Variants in CHD1 observed in about 807,000 individuals in gnomAD.
CHD1 encodes ATP-dependent chromatin remodeler CHD1.
In CHD1, 36 loss-of-function variants were observed where a neutral mutation model predicts 224.2. The ratio of observed to expected loss-of-function variants is 0.16; its 90% CI spans 0.12 to 0.21. The LOEUF (loss-of-function observed/expected upper bound fraction) is 0.21. CHD1 is among the 10% of genes least tolerant of loss of function. CHD1 has a pLI of 1.00. For synonymous variants in CHD1, 668 were observed against 658.3 expected, an observed-to-expected ratio of 1.01 and a Z score of -0.23; for missense variants, 1,378 against 1,994.8, an observed-to-expected ratio of 0.69 and a Z score of 5.89.
Position 98,894,582 on chromosome 5 carries a change from G to C in CHD1, c.1800+15C>G, listed in dbSNP as rs1561520543. On this transcript the variant is annotated intron_variant, in intron 13 of 35. Coordinates refer to ENST00000614616, the MANE Select transcript of CHD1 (RefSeq NM_001270.4). ...ATATACAAGAGACCAAAACACGTGA[G>C]AAATAAATACATACCTTATCTTTTA... 1.9e-6 allele frequency: 2 copies of C among 1,067,898 alleles called. No homozygotes were observed. Among genetic ancestry groups the C allele is most frequent in the Non-Finnish European group, 2.7e-6 (2 of 735,744 alleles). 66.2% of individuals were successfully genotyped at this position (1,067,898 alleles called of 1,614,324 possible).
At chr5:98,869,628 A>G (rs1026497293) in intron 30 of CHD1, 126 bp downstream of exon 30, 27 of 651,114 alleles carry the variant, frequency 4.1e-5, no homozygotes, top group African/African-American at 2.4e-4. Context: ...GCGCGCACAC[A>G]CACACACACA....
Position 98,926,499 on chromosome 5 carries a change from C to A in CHD1, c.-113G>T. On this transcript the variant is annotated 5_prime_UTR_variant, in exon 2 of 36. Coordinates refer to ENST00000614616, the MANE Select transcript of CHD1 (RefSeq NM_001270.4). ...AAATTCACAGATGAATTTTCTTCAA[C>A]AGTCACAGGTTTTCTGGGACTCTCC... 1 of 502,212 alleles carries A rather than the reference C, an allele frequency of 2.0e-6. No homozygotes were observed. The highest frequency in any genetic ancestry group is 3.5e-5 in the East Asian group (1 of 28,462). 31.1% of individuals were successfully genotyped at this position (502,212 alleles called of 1,614,324 possible).
intron 33 of CHD1, 64 bp downstream of exon 33, chr5:98,859,908 T>G: frequency 1.2e-6 from 1 of 851,994 alleles, no homozygotes; most frequent in Non-Finnish European, 1.8e-6. Flanking sequence ...AACTGCTCTG[T>G]AAAAAGAATG....
intron 18 of CHD1, 140 bp downstream of exon 18, chr5:98,885,438 T>A: frequency 1.6e-6 from 1 of 625,006 alleles, no homozygotes; most frequent in South Asian, 2.1e-5. Context: ...CTTTAAAACC[T>A]CATTTGCTAA....
intron 2 of CHD1, among the ~76,000 whole-genome samples, chr5:98,922,332 A>T (rs1158744178): frequency 1.3e-5 from 2 of 152,226 alleles, no homozygotes; most frequent in Admixed American, 6.5e-5. Flanking sequence ...TAACTGTTAT[A>T]CAGGTGCATC....
chr5:98,877,050 G>A (rs1381759133), intron 23 of CHD1, among the ~76,000 whole-genome samples: 7 of 152,148 alleles, frequency 4.6e-5, no homozygotes, highest in Non-Finnish European at 8.8e-5. Context: ...GCATGCACCC[G>A]TAGTTCCAGC....
At chr5:98,895,686 G>T (rs1169932107) in intron 12 of CHD1, among the ~76,000 whole-genome samples, 1 of 151,038 alleles carries the variant, frequency 6.6e-6, no homozygotes, top group East Asian at 1.9e-4. Flanking sequence ...CTGGGAGGTG[G>T]AGGTTGCAAT....
chr5:98,872,669 A>G (rs1749442210), intron 26 of CHD1, 114 bp from the exon 27 acceptor site: 1 of 870,592 alleles, frequency 1.1e-6, no homozygotes, highest in Non-Finnish European at 1.8e-6. Flanking sequence ...TTCCTTATTT[A>G]TATTATTAAG....
chr5:98,929,002 C>T lies in CHD1; in HGVS notation c.-612G>A, dbSNP rs572881781. Reference sequence around the variant, plus strand: ...GCTCACTCCCCTTCCCGACAGAGCGCGAGGCGGGCGGGCGCGCGCACGCCG... The same window carrying T: ...GCTCACTCCCCTTCCCGACAGAGCGTGAGGCGGGCGGGCGCGCGCACGCCG... On this transcript the variant is annotated 5_prime_UTR_variant, in exon 1 of 36. Transcript: ENST00000614616. 2 of 152,024 alleles carry T rather than the reference C, an allele frequency of 1.3e-5. No individual in the cohort carries two copies. Among genetic ancestry groups the T allele is most frequent in the South Asian group, 2.0e-4 (1 of 4,900 alleles). 9.4% of individuals were successfully genotyped at this position (152,024 alleles called of 1,614,324 possible). A position where few individuals can be genotyped will look rare whatever the true frequency, so the allele number is the denominator to read the frequency against.
In CHD1 at chr5:98,901,094, CAA is replaced by C. The variant is rs373294528; in HGVS notation, c.588-14_588-13del. 350 of 1,565,290 alleles carry C rather than the reference CAA, an allele frequency of 2.2e-4. No individual in the cohort carries two copies. The African/African-American group carries it at 4.4e-3, about 20-fold the overall frequency. ...TTTTTGACTTAGATCTAGGAAAGTG[CAA>C]AGAGAAAAAAAAACAAGATTTGAGA... On this transcript the variant is annotated splice_polypyrimidine_tract_variant and intron_variant, in intron 6 of 35. Coordinates refer to ENST00000614616, the MANE Select transcript of CHD1 (RefSeq NM_001270.4).
At chr5:98,857,086 C>T (rs891355924) in intron 35 of CHD1, among the ~76,000 whole-genome samples, 10 of 152,152 alleles carry the variant, frequency 6.6e-5, no homozygotes, top group African/African-American at 2.2e-4. Context: ...ACTCCTGAGA[C>T]CAGAGCCTTT....
At chr5:98,928,130 T>G (rs906300686) in intron 1 of CHD1, among the ~76,000 whole-genome samples, 12 of 151,852 alleles carry the variant, frequency 7.9e-5, no homozygotes, top group Admixed American at 6.6e-4. Context: ...CGCCTCAAAC[T>G]TCCCGCAGAC....
chr5:98,916,354 T>C (rs1752731017), intron 2 of CHD1, among the ~76,000 whole-genome samples: 2 of 151,872 alleles, frequency 1.3e-5, no homozygotes, highest in African/African-American at 2.4e-5. Context: ...GAGACCAGCC[T>C]GACCACCATG....
intron 2 of CHD1, among the ~76,000 whole-genome samples, chr5:98,911,146 A>ATATATATATATATATATATAT (rs1554081078): frequency 2.3e-4 from 9 of 39,110 alleles, no homozygotes; most frequent in Non-Finnish European, 2.7e-4. Context: ...AAAAAAAAAA[A>ATATATATATATATATATATAT]ATATATATAT....
At chr5:98,915,406 AG>A in intron 2 of CHD1, among the ~76,000 whole-genome samples, 1 of 152,032 alleles carries the variant, frequency 6.6e-6, no homozygotes. Context: ...GAGAGATACT[AG>A]GAAGAGTAAC....
chr5:98,871,032 CT>C (rs1407012306), intron 28 of CHD1, among the ~76,000 whole-genome samples: 1 of 151,958 alleles, frequency 6.6e-6, no homozygotes, highest in African/African-American at 2.4e-5. Flanking sequence ...CTCAGATTAT[CT>C]TTCAAAATGA....
At chr5:98,886,571 A>C (rs2112435670) in intron 17 of CHD1, among the ~76,000 whole-genome samples, 1 of 152,286 alleles carries the variant, frequency 6.6e-6, no homozygotes, top group East Asian at 1.9e-4. Flanking sequence ...GAATTAAACT[A>C]GTATTTTGGG....
At chr5:98,862,849 T>C (rs1263390577) in intron 32 of CHD1, among the ~76,000 whole-genome samples, 1 of 152,192 alleles carries the variant, frequency 6.6e-6, no homozygotes, top group East Asian at 1.9e-4. Context: ...TAGTTCCAGT[T>C]AAATGTAAAA....
chr5:98,909,016 T>G (rs1189979007), intron 2 of CHD1, among the ~76,000 whole-genome samples: 1 of 152,144 alleles, frequency 6.6e-6, no homozygotes, highest in Non-Finnish European at 1.5e-5. Context: ...TGAATTATCA[T>G]GAATCTATCA....
Sources: allele counts gnomAD v4.1 joint callset (sites outside exome capture counted in the v4.1 genomes callset), GRCh38; gene constraint gnomAD v4.1.1; transcripts MANE v1.5; gene names NCBI Gene and HGNC (gene_info 2026-07-23, HGNC 2026-07-21).